Variants in MOGAT3 observed in about 807,000 individuals in gnomAD.
MOGAT3 encodes 2-acylglycerol O-acyltransferase 3.
A neutral mutation model predicts 34.4 loss-of-function variants in MOGAT3; 39 were observed. The ratio of observed to expected loss-of-function variants is 1.13; its 90% CI spans 0.88 to 1.48. MOGAT3 has a LOEUF of 1.48. Ranked by LOEUF, MOGAT3 falls within the 40% of genes most tolerant of loss-of-function variation. The probability of loss-of-function intolerance (pLI) is 0.00; values close to 1 mark genes in which losing one functional copy is unlikely to be tolerated. For missense variants in MOGAT3, 439 were observed against 438.9 expected, an observed-to-expected ratio of 1.00 and a Z score of 0.00; for synonymous variants, 209 against 179.2, an observed-to-expected ratio of 1.17 and a Z score of -1.33.
At chr7:101,199,614 C>CTTTT (rs71126387) in intron 3 of MOGAT3, among the ~76,000 whole-genome samples, 4 of 116,418 alleles carry the variant, frequency 3.4e-5, no homozygotes, top group Non-Finnish European at 7.0e-5. Flanking sequence ...CCACAACCGC[C>CTTTT]TTTTTTTTTT....
At position 101,198,765 on chromosome 7, in the gene MOGAT3, G is replaced by T; in HGVS notation, c.354C>A (p.Ile118=). The change falls in exon 4 of 7, where the codon ATC becomes ATA. Residue 118 remains isoleucine (I), a synonymous_variant. Transcript: ENST00000223114. Reference sequence around the variant, plus strand: ...AATTACAGAGGAAGCCTGTACACATGATCCCATGAGGGTGGGCGCCCAGCA... The same window carrying T: ...AATTACAGAGGAAGCCTGTACACATTATCCCATGAGGGTGGGCGCCCAGCA... ...NYVLGAHPHG[I]MCTGFLCNFS... is the part of the protein sequence containing the mutation. The T allele has an allele frequency of 1.9e-6, 3 of 1,614,042 alleles. No individual in the cohort carries two copies. The highest frequency in any genetic ancestry group is 2.5e-6 in the Non-Finnish European group (3 of 1,180,002).
chr7:101,196,835 C>T (rs932207399), intron 5 of MOGAT3, among the ~76,000 whole-genome samples: 1 of 152,166 alleles, frequency 6.6e-6, no homozygotes, highest in Admixed American at 6.6e-5. Flanking sequence ...CACCACTGCA[C>T]TTCAGTCTGG....
At chr7:101,194,619 C>T (rs938387129), downstream of MOGAT3, among the ~76,000 whole-genome samples, 21 of 150,566 alleles carry the variant, frequency 1.4e-4, no homozygotes, top group Non-Finnish European at 2.8e-4. Flanking sequence ...TCTCCTGCCT[C>T]AACCTCTCAG....
At chr7:101,196,411 GA>G (rs779925025) in intron 5 of MOGAT3, 22 bp from the exon 6 acceptor site, 1 of 1,581,078 alleles carries the variant, frequency 6.3e-7, no homozygotes, top group African/African-American at 1.4e-5. Flanking sequence ...CAAGAGAGAA[GA>G]GGGGGCTCAG....
chr7:101,200,571 C>A, intron 1 of MOGAT3, 56 bp from the exon 2 acceptor site: 1 of 1,432,158 alleles, frequency 7.0e-7, no homozygotes, highest in Non-Finnish European at 9.6e-7. Context: ...TCATTCCCTC[C>A]AGCTGCTCCC....
At chr7:101,193,618 G>A (rs1378380040), downstream of MOGAT3, among the ~76,000 whole-genome samples, 3 of 151,900 alleles carry the variant, frequency 2.0e-5, no homozygotes, top group Admixed American at 6.6e-5. Context: ...TGGTAGAGAC[G>A]GGGTTCACTA....
rs5886170 is a variant in MOGAT3 at position 101,195,219 on chromosome 7, A to ATTT, written c.*724_*726dup. The stretch of plus-strand genomic sequence containing the variant: ...CCAGAACGATTATAGCTTTAACAAC[A>ATTT]TTTTTTTTTTTTTGAGATGGAATCT... On this transcript the variant is annotated 3_prime_UTR_variant, in exon 7 of 7. Coordinates refer to ENST00000223114, the MANE Select transcript of MOGAT3 (RefSeq NM_178176.4). 2 of 145,176 alleles carry ATTT rather than the reference A, an allele frequency of 1.4e-5. No individual in the cohort carries two copies. Among genetic ancestry groups the ATTT allele is most frequent in the Non-Finnish European group, 1.5e-5 (1 of 66,146 alleles). The allele number at this position is 145,176 out of a possible 1,614,324, so 9.0% of individuals were successfully genotyped here.
downstream of MOGAT3, among the ~76,000 whole-genome samples, chr7:101,194,159 A>C (rs985799140): frequency 2.0e-5 from 3 of 150,222 alleles, no homozygotes; most frequent in South Asian, 4.3e-4. Context: ...ACACCTGGCT[A>C]ATTTCTAGAA....
rs1797750671 is a variant in MOGAT3 at position 101,195,372 on chromosome 7, G to A, written c.*574C>T. The A allele has an allele frequency of 6.5e-6, 1 of 152,752 alleles. No individual in the cohort carries two copies. The highest frequency in any genetic ancestry group is 2.0e-4 in the South Asian group (1 of 4,900). The allele number at this position is 152,752 out of a possible 1,614,324, so 9.5% of individuals were successfully genotyped here. On this transcript the variant is annotated 3_prime_UTR_variant, in exon 7 of 7. Transcript: ENST00000223114. ...TGGGATTATAGGCATGAGCCACCAT[G>A]CCCGGCTAATTTTTGTAGTTTTAGT...
In MOGAT3 at chr7:101,196,087, G is replaced by A. The variant is rs1797773799; in HGVS notation, c.885C>T (p.Ile295=). ...TGGGGTGGAGGCGCTGGGGGACGGG[G>A]ATGGGGCGGCCCACTGCAGGGAGAG... is the stretch of plus-strand genomic sequence containing the variant. ...VPITTVVGRP[I]PVPQRLHPTE... The change falls in exon 7 of 7, where the codon ATC becomes ATT. Residue 295 remains isoleucine, a synonymous_variant. Transcript: ENST00000223114. The A allele has an allele frequency of 1.2e-6, 2 of 1,609,926 alleles. No individual in the cohort carries two copies. Among genetic ancestry groups the A allele is most frequent in the South Asian group, 1.1e-5 (1 of 90,782 alleles).
chr7:101,195,459 C>T lies in MOGAT3; in HGVS notation c.*487G>A, dbSNP rs1172333179. 1.3e-5 allele frequency: 2 copies of T among 155,494 alleles called. No individual in the cohort carries two copies. Among genetic ancestry groups the T allele is most frequent in the Admixed American group, 6.2e-5 (1 of 16,124 alleles). 9.6% of individuals were successfully genotyped at this position (155,494 alleles called of 1,614,324 possible). On this transcript the variant is annotated 3_prime_UTR_variant, in exon 7 of 7. Coordinates refer to ENST00000223114, the MANE Select transcript of MOGAT3 (RefSeq NM_178176.4). The stretch of plus-strand genomic sequence containing the variant: ...TGAACTCCTGACCTCAGTTGATCCA[C>T]CTGCCTCGGCTTCCCAAAGTGTTGG...
At chr7:101,196,475 C>G in intron 5 of MOGAT3, 86 bp from the exon 6 acceptor site, 1 of 905,576 alleles carries the variant, frequency 1.1e-6, no homozygotes, top group Non-Finnish European at 1.7e-6. Context: ...GTCCTTCCCA[C>G]TACGTCCAGA....
chr7:101,198,571 T>C, intron 4 of MOGAT3, 55 bp downstream of exon 4: 1 of 1,548,718 alleles, frequency 6.5e-7, no homozygotes, highest in Admixed American at 1.8e-5. Context: ...CCAGAGGGGC[T>C]GGGGAACATC....
intron 5 of MOGAT3, among the ~76,000 whole-genome samples, chr7:101,197,153 TA>T (rs1452857064): frequency 5.9e-5 from 9 of 151,908 alleles, no homozygotes; most frequent in Non-Finnish European, 1.0e-4. Flanking sequence ...CTCCAAAAAT[TA>T]AAAATTAGAA....
chr7:101,198,514 G>T, intron 4 of MOGAT3, 112 bp downstream of exon 4: 1 of 1,332,228 alleles, frequency 7.5e-7, no homozygotes, highest in Non-Finnish European at 1.0e-6. Context: ...CAGTGCTCAG[G>T]CTGGCCCCTG....
intron 3 of MOGAT3, 58 bp downstream of exon 3, chr7:101,200,176 G>A (rs996051761): frequency 3.3e-5 from 47 of 1,419,344 alleles, no homozygotes; most frequent in Non-Finnish European, 4.6e-5. Flanking sequence ...GGGCTCCTAG[G>A]TGTGGGAGGG....
chr7:101,194,584 G>A (rs1055994242), downstream of MOGAT3, among the ~76,000 whole-genome samples: 4 of 141,396 alleles, frequency 2.8e-5, no homozygotes, highest in African/African-American at 1.1e-4. Flanking sequence ...TTCACTGCAA[G>A]CTCCGCCTCA....
Position 101,195,972 on chromosome 7 carries a change from C to A in MOGAT3, c.1000G>T (p.Ala334Ser). The A allele has an allele frequency of 6.2e-7, 1 of 1,614,148 alleles. No individual in the cohort carries two copies. Reference sequence around the variant, plus strand: ...TAGATGAAGGTGAGGCAGGTGGAAGCGGGGACCCCACAGCTTTCCTTGTGC... The same window carrying A: ...TAGATGAAGGTGAGGCAGGTGGAAGAGGGGACCCCACAGCTTTCCTTGTGC... The part of the protein sequence containing the change: ...EEHKESCGVP[A>S]STCLTFI The change falls in exon 7 of 7, where the codon GCT (alanine) becomes TCT (serine). Residue 334 changes from alanine to serine, a missense_variant. Physicochemically the swap from Ala to Ser is moderately conservative, Grantham distance 99. Transcript: ENST00000223114.
chr7:101,195,937 C>T lies in MOGAT3; in HGVS notation c.*9G>A, dbSNP rs371502014. 3.0e-4 allele frequency: 477 copies of T among 1,613,932 alleles called. 1 individual carries two copies. The highest frequency in any genetic ancestry group is 3.7e-4 in the Non-Finnish European group (431 of 1,179,974). ...GGCTCAGGGGCTCAGCGAAAGGCCG[C>T]GGCCAGGCCTAGATGAAGGTGAGGC... On this transcript the variant is annotated 3_prime_UTR_variant, in exon 7 of 7. Transcript: ENST00000223114.
Sources: gnomAD v4.1 joint callset for allele counts (sites outside exome capture counted in the v4.1 genomes callset) on GRCh38, gnomAD v4.1.1 for gene constraint, MANE v1.5 for transcripts, NCBI Gene and HGNC (gene_info 2026-07-23, HGNC 2026-07-21) for gene names.